Variants in CCDC138 observed in about 807,000 individuals in gnomAD.
The protein encoded by CCDC138 is coiled-coil domain containing 138, also known as coiled-coil domain-containing protein 138.
A neutral mutation model predicts 82.3 loss-of-function variants in CCDC138; 66 were observed. The observed-to-expected ratio is 0.80, with a 90% CI of 0.66 to 0.98. CCDC138 has a LOEUF of 0.98. CCDC138 is among the 50% of genes least tolerant of loss of function. CCDC138 has a pLI of 0.00. For missense variants in CCDC138, 816 were observed against 758.9 expected (o/e 1.08, Z -0.88); for synonymous variants, 297 against 265.4 (o/e 1.12, Z -1.16).
intron 13 of CCDC138, among the ~76,000 whole-genome samples, chr2:108,857,883 CAG>C (rs1692884879): frequency 6.6e-6 from 1 of 152,146 alleles, no homozygotes; most frequent in South Asian, 2.1e-4. Context: ...CTGAATATGA[CAG>C]AGATGGCATC....
intron 13 of CCDC138, among the ~76,000 whole-genome samples, chr2:108,863,423 G>C (rs928542313): frequency 1.3e-5 from 2 of 152,136 alleles, no homozygotes; most frequent in Non-Finnish European, 2.9e-5. Flanking sequence ...TAGATGTGTG[G>C]TGTTTTCAAA....
intron 10 of CCDC138, among the ~76,000 whole-genome samples, chr2:108,825,509 T>C (rs1686418837): frequency 6.6e-6 from 1 of 152,160 alleles, no homozygotes. Flanking sequence ...CTAATCTGCT[T>C]TCTGTCTTTA....
intron 9 of CCDC138, among the ~76,000 whole-genome samples, chr2:108,814,691 T>TG (rs1381045062): frequency 1.3e-5 from 2 of 151,084 alleles, no homozygotes; most frequent in Non-Finnish European, 3.0e-5. Context: ...TTTTTTGAGA[T>TG]GGGGTCTCAC....
rs779652800 is a variant in CCDC138 at position 108,812,687 on chromosome 2, A to G, written c.912A>G (p.Gln304=). 2 of 1,612,170 alleles carry G rather than the reference A, an allele frequency of 1.2e-6. No individual in the cohort carries two copies. The highest frequency in any genetic ancestry group is 2.2e-5 in the East Asian group (1 of 44,812). Residue 304 remains glutamine, a synonymous_variant, in exon 8 of 15, where the codon CAA becomes CAG. Coordinates refer to ENST00000295124, the MANE Select transcript of CCDC138 (RefSeq NM_144978.3). The part of the protein sequence containing the change: ...RKIDIQAKRV[Q]ARLDNLQRKY... ...TAGACATTCAGGCTAAAAGAGTTCA[A>G]GCTCGTTTAGATAATTTACAGGTAA...
chr2:108,840,782 T>C lies in CCDC138; in HGVS notation c.1323+1481T>C, dbSNP rs149621465. On this transcript the variant is annotated intron_variant, in intron 11 of 14. Coordinates refer to ENST00000295124, the MANE Select transcript of CCDC138 (RefSeq NM_144978.3). ...TCTTTCAAAGGATCATCTCTTTGTT[T>C]CATTTCTTTTTTTCTTTTTTTCTTT... Among the ~76,000 whole-genome samples the C allele has an allele frequency of 2.4e-3, 364 of 150,712 alleles. 5 individuals are homozygous for C. The highest frequency in any genetic ancestry group is 8.8e-3 in the African/African-American group (353 of 40,266).
intron 7 of CCDC138, among the ~76,000 whole-genome samples, chr2:108,812,161 A>G (rs1683968049): frequency 6.6e-6 from 1 of 152,196 alleles, no homozygotes; most frequent in African/African-American, 2.4e-5. Context: ...GTTCATGGAT[A>G]GGAAGACTCA....
Position 108,812,695 on chromosome 2 carries a change from T to C in CCDC138, c.920T>C (p.Leu307Ser). Residue 307 changes from leucine to serine, a missense_variant, in exon 8 of 15, where the codon TTA becomes TCA. By Grantham distance (145) the Leu-to-Ser change is moderately radical. Transcript: ENST00000295124. Reference sequence around the variant, plus strand: ...CAGGCTAAAAGAGTTCAAGCTCGTTTAGATAATTTACAGGTAAGTTGCCTG... The same window carrying C: ...CAGGCTAAAAGAGTTCAAGCTCGTTCAGATAATTTACAGGTAAGTTGCCTG... The part of the protein sequence containing the change: ...DIQAKRVQAR[L>S]DNLQRKYEFM... The C allele has an allele frequency of 6.2e-7, 1 of 1,610,628 alleles. No homozygotes were observed. Among genetic ancestry groups the C allele is most frequent in the Non-Finnish European group, 8.5e-7 (1 of 1,176,896 alleles).
chr2:108,795,131 T>C (rs1573930961), intron 5 of CCDC138, among the ~76,000 whole-genome samples: 1 of 151,444 alleles, frequency 6.6e-6, no homozygotes, highest in Non-Finnish European at 1.5e-5. Context: ...GCCTTTCGGG[T>C]TTTTTGTTTC....
chr2:108,821,910 A>G (rs916936437), intron 10 of CCDC138, among the ~76,000 whole-genome samples: 2 of 147,586 alleles, frequency 1.4e-5, no homozygotes, highest in African/African-American at 5.0e-5. Flanking sequence ...CATGGGCAAC[A>G]AGAGCGAAAC....
At chr2:108,848,801 G>A (rs1407541767) in intron 12 of CCDC138, among the ~76,000 whole-genome samples, 1 of 152,120 alleles carries the variant, frequency 6.6e-6, no homozygotes, top group Non-Finnish European at 1.5e-5. Flanking sequence ...ATAGGACAAA[G>A]GGAATAGGAA....
intron 10 of CCDC138, among the ~76,000 whole-genome samples, chr2:108,834,817 A>G (rs1227665778): frequency 3.3e-5 from 5 of 152,212 alleles, no homozygotes; most frequent in African/African-American, 1.2e-4. Flanking sequence ...ATGAATTTGC[A>G]TATTCTAAGT....
At chr2:108,805,891 A>G (rs1216195685) in intron 7 of CCDC138, among the ~76,000 whole-genome samples, 1 of 152,170 alleles carries the variant, frequency 6.6e-6, no homozygotes, top group Non-Finnish European at 1.5e-5. Flanking sequence ...GATTATGTAT[A>G]TATTAGATTG....
intron 7 of CCDC138, among the ~76,000 whole-genome samples, chr2:108,811,243 C>CTTTT (rs777748122): frequency 3.5e-5 from 1 of 28,698 alleles, no homozygotes; most frequent in South Asian, 1.2e-3. Flanking sequence ...TTCTTTCTCT[C>CTTTT]TCTCTTTTTT....
chr2:108,853,383 T>C (rs1343249820), intron 12 of CCDC138, among the ~76,000 whole-genome samples: 1 of 152,164 alleles, frequency 6.6e-6, no homozygotes, highest in Non-Finnish European at 1.5e-5. Context: ...TATATGTCAT[T>C]AACAATAAGT....
At chr2:108,798,708 TACAC>T (rs34242205) in intron 6 of CCDC138, 122 bp downstream of exon 6, 204,893 of 424,020 alleles carry the variant, frequency 0.48, 42,331 homozygotes, top group Non-Finnish European at 0.56. Context: ...TCTCCACGCC[TACAC>T]ACACACACAC....
At chr2:108,855,313 T>A (rs1435809083) in intron 12 of CCDC138, among the ~76,000 whole-genome samples, 4 of 152,170 alleles carry the variant, frequency 2.6e-5, no homozygotes, top group Non-Finnish European at 5.9e-5. Flanking sequence ...TACCATATAG[T>A]AGTCAGCCTA....
chr2:108,820,817 C>A (rs959905839), intron 10 of CCDC138, among the ~76,000 whole-genome samples: 4 of 152,004 alleles, frequency 2.6e-5, no homozygotes, highest in African/African-American at 4.8e-5. Flanking sequence ...ACCATTACAC[C>A]TGCCCTATAA....
At chr2:108,851,718 A>G (rs1691539462) in intron 12 of CCDC138, among the ~76,000 whole-genome samples, 1 of 152,198 alleles carries the variant, frequency 6.6e-6, no homozygotes, top group East Asian at 1.9e-4. Flanking sequence ...TCCAGGAAAG[A>G]TTAGAGTCCT....
intron 13 of CCDC138, 85 bp from the exon 14 acceptor site, chr2:108,873,366 C>T: frequency 4.4e-6 from 5 of 1,143,200 alleles, no homozygotes; most frequent in Non-Finnish European, 4.7e-6. Flanking sequence ...TTTATAAATG[C>T]CTCACATAGT....
Sources: allele counts gnomAD v4.1 joint callset (sites outside exome capture counted in the v4.1 genomes callset), GRCh38; gene constraint gnomAD v4.1.1; transcripts MANE v1.5; gene names NCBI Gene and HGNC (gene_info 2026-07-23, HGNC 2026-07-21).